Variants in CHEK2 observed in about 807,000 individuals in gnomAD.
CHEK2 encodes serine/threonine-protein kinase Chk2.
A neutral mutation model predicts 69.1 loss-of-function variants in CHEK2; 71 were observed. The observed-to-expected ratio is 1.03, with a 90% CI of 0.85 to 1.25. The LOEUF is 1.25. Ranked by LOEUF, CHEK2 falls within the 50% of genes most tolerant of loss-of-function variation. The pLI, the probability that CHEK2 is intolerant of heterozygous loss-of-function variation, is 0.00. For missense variants in CHEK2, 664 were observed against 649.6 expected (o/e 1.02, Z -0.24); for synonymous variants, 189 against 226.9 (o/e 0.83, Z 1.50).
chr22:28,732,699 G>A (rs747918812), intron 2 of CHEK2, among the ~76,000 whole-genome samples: 1 of 152,098 alleles, frequency 6.6e-6, no homozygotes, highest in African/African-American at 2.4e-5. Flanking sequence ...GATGGTGAGT[G>A]ACAAAACACA....
intron 1 of CHEK2, among the ~76,000 whole-genome samples, chr22:28,739,732 C>T (rs1410145151): frequency 1.3e-5 from 2 of 152,046 alleles, no homozygotes; most frequent in African/African-American, 4.8e-5. Context: ...GATACCATCT[C>T]ACCCAAGTTA....
intron 9 of CHEK2, 109 bp from the exon 10 acceptor site, chr22:28,697,096 T>A (rs1475918014): frequency 4.1e-6 from 3 of 736,742 alleles, no homozygotes; most frequent in East Asian, 2.6e-5. Flanking sequence ...TAAGCCGTGA[T>A]ACACACAACC....
chr22:28,708,975 C>T (rs377620204), intron 7 of CHEK2: 2 of 325,902 alleles, frequency 6.1e-6, no homozygotes, highest in African/African-American at 2.8e-5. Flanking sequence ...AAAAAAAAAA[C>T]AAACAAAAAA....
At chr22:28,728,834 A>C (rs1230738100) in intron 2 of CHEK2, among the ~76,000 whole-genome samples, 1 of 152,002 alleles carries the variant, frequency 6.6e-6, no homozygotes, top group East Asian at 1.9e-4. Context: ...AAATAAAAAA[A>C]TTAGCCACAC....
intron 7 of CHEK2, among the ~76,000 whole-genome samples, chr22:28,703,996 T>C (rs972078454): frequency 1.3e-5 from 2 of 152,100 alleles, no homozygotes; most frequent in Non-Finnish European, 2.9e-5. Flanking sequence ...TCTGGGCAAC[T>C]GGAACCTCCA....
Position 28,734,555 on chromosome 22 carries a change from C to A in CHEK2, c.167G>T (p.Ser56Ile), listed in dbSNP as rs1255827598. The change falls in exon 2 of 15, where the codon AGC becomes ATC. Residue 56 changes from serine to isoleucine, a missense_variant. Coordinates refer to ENST00000404276, the MANE Select transcript of CHEK2 (RefSeq NM_007194.4). Reference protein sequence around the residue: ...MPNSSQSSHSSSGTLSSLETV... With the variant: ...MPNSSQSSHSISGTLSSLETV... The stretch of plus-strand genomic sequence containing the variant: ...CTCTAAGGAGCTCAGTGTCCCAGAG[C>A]TGGAGTGAGAGGACTGGCTGGAGTT... The A allele has an allele frequency of 6.2e-7, 1 of 1,613,892 alleles. No individual in the cohort carries two copies. Among genetic ancestry groups the A allele is most frequent in the Non-Finnish European group, 8.5e-7 (1 of 1,179,988 alleles).
intron 7 of CHEK2, among the ~76,000 whole-genome samples, chr22:28,709,204 T>C (rs1448931110): frequency 1.3e-5 from 2 of 152,152 alleles, no homozygotes; most frequent in Admixed American, 1.3e-4. Flanking sequence ...TAGTCATCAT[T>C]GCACAAAAAG....
intron 5 of CHEK2, among the ~76,000 whole-genome samples, chr22:28,714,227 T>C (rs2053510746): frequency 6.6e-6 from 1 of 152,222 alleles, no homozygotes; most frequent in South Asian, 2.1e-4. Context: ...CAACAGTTAC[T>C]AGTTTCTGTT....
In CHEK2 at chr22:28,716,624, T is replaced by C. The variant is rs149484826; in HGVS notation, c.683+2771A>G. On this transcript the variant is annotated intron_variant, in intron 5 of 14. Transcript: ENST00000404276. ...CTCCCATATAATACAGAGGATACTG[T>C]GCTTAACTATGTTGCAGGAATATGG... Among the ~76,000 whole-genome samples, 303 of 152,360 alleles carry C rather than the reference T, an allele frequency of 2.0e-3. 2 individuals are homozygous for C. Among genetic ancestry groups the C allele is most frequent in the Middle Eastern group, 0.01 (3 of 294 alleles).
At chr22:28,715,078 T>C (rs1038259194) in intron 5 of CHEK2, among the ~76,000 whole-genome samples, 4 of 152,196 alleles carry the variant, frequency 2.6e-5, no homozygotes, top group Non-Finnish European at 5.9e-5. Flanking sequence ...CTGTCATTCA[T>C]TCATACCTAC....
chr22:28,716,994 TCTAA>T (rs1202230029), intron 5 of CHEK2, among the ~76,000 whole-genome samples: 2 of 152,216 alleles, frequency 1.3e-5, no homozygotes, highest in South Asian at 4.1e-4. Context: ...CTAGCCATCT[TCTAA>T]CTAAGCCAGA....
Position 28,711,947 on chromosome 22 carries a change from T to C in CHEK2, c.754A>G (p.Ser252Gly), listed in dbSNP as rs780042868. Residue 252 changes from serine to glycine, a missense_variant, in exon 6 of 15, where the codon AGC becomes GGC. Ser to Gly is a moderately conservative substitution (Grantham distance 56). Coordinates refer to ENST00000404276, the MANE Select transcript of CHEK2 (RefSeq NM_007194.4). ...TCKKVAIKII[S>G]KRKFAIGSAR... ...GAACCAATAGCAAACTTCCTTTTGCTGATGATCTTTATGGCTACTTTCTTA... is the reference window on the plus strand; with the variant it reads ...GAACCAATAGCAAACTTCCTTTTGCCGATGATCTTTATGGCTACTTTCTTA... The C allele has an allele frequency of 6.2e-7, 1 of 1,614,038 alleles. No homozygotes were observed. The highest frequency in any genetic ancestry group is 1.1e-5 in the South Asian group (1 of 91,082).
At chr22:28,699,525 C>T (rs751365346) in intron 9 of CHEK2, among the ~76,000 whole-genome samples, 8 of 151,954 alleles carry the variant, frequency 5.3e-5, no homozygotes, top group Non-Finnish European at 1.2e-4. Flanking sequence ...ACACTACACC[C>T]AGCTAATTTT....
chr22:28,698,258 A>G (rs984775388), intron 9 of CHEK2, among the ~76,000 whole-genome samples: 3 of 148,682 alleles, frequency 2.0e-5, no homozygotes, highest in African/African-American at 7.4e-5. Context: ...TTAGCTGGAC[A>G]TGGTGGCAGG....
intron 4 of CHEK2, among the ~76,000 whole-genome samples, chr22:28,719,973 G>T (rs1027816217): frequency 6.6e-6 from 1 of 151,864 alleles, no homozygotes; most frequent in Non-Finnish European, 1.5e-5. Flanking sequence ...TTATATATCC[G>T]GTATTAAGTA....
At chr22:28,697,018 T>G in intron 9 of CHEK2, 31 bp from the exon 10 acceptor site, 1 of 1,337,382 alleles carries the variant, frequency 7.5e-7, no homozygotes. Flanking sequence ...GACCCTCAGA[T>G]TCATGCAGTA....
chr22:28,695,331 A>G, intron 11 of CHEK2, 89 bp from the exon 12 acceptor site: 2 of 802,010 alleles, frequency 2.5e-6, no homozygotes, highest in Non-Finnish European at 2.2e-6. Flanking sequence ...CAGCATAATG[A>G]AAAGTCAGAT....
At chr22:28,702,139 G>C (rs995799037) in intron 8 of CHEK2, among the ~76,000 whole-genome samples, 1 of 83,138 alleles carries the variant, frequency 1.2e-5, no homozygotes, top group African/African-American at 5.2e-5. Flanking sequence ...GTGTGTCTGT[G>C]TGTGTGTGTG....
At chr22:28,737,022 C>A (rs2054430776) in intron 1 of CHEK2, among the ~76,000 whole-genome samples, 1 of 151,916 alleles carries the variant, frequency 6.6e-6, no homozygotes. Flanking sequence ...CTGACCTAAT[C>A]GGATTAACAA....
Sources: gnomAD v4.1 joint callset for allele counts (sites outside exome capture counted in the v4.1 genomes callset) on GRCh38, gnomAD v4.1.1 for gene constraint, MANE v1.5 for transcripts, NCBI Gene and HGNC (gene_info 2026-07-23, HGNC 2026-07-21) for gene names.